CA13: variants seen among roughly 807,000 people sequenced by gnomAD.
CA13 encodes the protein carbonic anhydrase 13, also known as CA-XIII.
A neutral mutation model predicts 31.5 loss-of-function variants in CA13; 21 were observed. The ratio of observed to expected loss-of-function variants is 0.67; its 90% CI spans 0.47 to 0.96. The LOEUF (loss-of-function observed/expected upper bound fraction) is 0.96. CA13 is among the 40% of genes least tolerant of loss of function. The pLI is 0.00. For missense variants in CA13, 315 were observed against 318.9 expected (o/e 0.99, Z 0.09); for synonymous variants, 117 against 111.4 (o/e 1.05, Z -0.32).
In CA13 at chr8:85,245,860, A is replaced by T; in HGVS notation, c.32A>T (p.His11Leu). The T allele has an allele frequency of 1.2e-6, 2 of 1,614,164 alleles. No homozygotes were observed. The highest frequency in any genetic ancestry group is 1.7e-6 in the Non-Finnish European group (2 of 1,180,014). MSRLSWGYRE[H>L]NGPIHWKEFF... ...AGGCTCAGCTGGGGATACCGCGAGC[A>T]CAACGGTGAGCGCCTTTTCCTGATC... The change falls in exon 1 of 7, where the codon CAC becomes CTC. Residue 11 changes from histidine (H) to leucine (L), a missense_variant. His to Leu is a moderately conservative substitution (Grantham distance 99). Coordinates refer to ENST00000321764, the MANE Select transcript of CA13 (RefSeq NM_198584.3).
At chr8:85,256,961 CTCTG>C (rs1321899986) in intron 2 of CA13, among the ~76,000 whole-genome samples, 3 of 152,184 alleles carry the variant, frequency 2.0e-5, no homozygotes, top group East Asian at 1.9e-4. Context: ...CTCTCTCCCT[CTCTG>C]TCTTTGTCTT....
rs1807728796 is a variant in CA13 at position 85,282,867 on chromosome 8, T to A, written c.*1518T>A. On this transcript the variant is annotated 3_prime_UTR_variant, in exon 7 of 7. Coordinates refer to ENST00000321764, the MANE Select transcript of CA13 (RefSeq NM_198584.3). The stretch of plus-strand genomic sequence containing the variant: ...TCTTCTGACATAAGTTTACCTGAGT[T>A]TCCTTGATTTGGAAGATTTGTTTCT... The A allele has an allele frequency of 6.6e-6, 1 of 152,140 alleles. No homozygotes were observed. Among genetic ancestry groups the A allele is most frequent in the Non-Finnish European group, 1.5e-5 (1 of 68,030 alleles). The allele number at this position is 152,140 out of a possible 1,614,324, so 9.4% of individuals were successfully genotyped here.
intron 4 of CA13, among the ~76,000 whole-genome samples, chr8:85,266,916 C>T (rs1315161859): frequency 6.6e-6 from 1 of 152,136 alleles, no homozygotes; most frequent in Non-Finnish European, 1.5e-5. Flanking sequence ...ATGTGAATAA[C>T]AATAGCAGCA....
At chr8:85,272,944 A>G (rs1036504501) in intron 6 of CA13, among the ~76,000 whole-genome samples, 9 of 152,262 alleles carry the variant, frequency 5.9e-5, no homozygotes, top group African/African-American at 2.2e-4. Context: ...CAGCCTCCTG[A>G]GTAGCTGGGA....
At chr8:85,246,382 A>G in intron 1 of CA13, 1 of 456,170 alleles carries the variant, frequency 2.2e-6, no homozygotes, top group South Asian at 1.5e-5. Context: ...AAAATACTGC[A>G]TGTTTCCTAA....
chr8:85,260,285 A>C (rs1325181495), intron 3 of CA13, among the ~76,000 whole-genome samples: 2 of 152,194 alleles, frequency 1.3e-5, no homozygotes, highest in African/African-American at 4.8e-5. Context: ...TAATATGATT[A>C]AATATTACTA....
At chr8:85,257,558 A>C (rs1292088553) in intron 2 of CA13, among the ~76,000 whole-genome samples, 8 of 141,718 alleles carry the variant, frequency 5.6e-5, no homozygotes, top group Admixed American at 4.9e-4. Context: ...CCATCCCTGC[A>C]AAAAAAAAAA....
At position 85,281,541 on chromosome 8, in the gene CA13, C is replaced by T; in HGVS notation, c.*192C>T. ...TTTTTATTTTTTTTAGTGATAGAGT[C>T]TCACTCTGTCACCCAGGCTGGAGGG... On this transcript the variant is annotated 3_prime_UTR_variant, in exon 7 of 7. Transcript: ENST00000321764. 4 of 1,243,418 alleles carry T rather than the reference C, an allele frequency of 3.2e-6. No homozygotes were observed. The highest frequency in any genetic ancestry group is 3.6e-5 in the East Asian group (1 of 27,522). 77.0% of individuals were successfully genotyped at this position (1,243,418 alleles called of 1,614,324 possible).
At chr8:85,245,955 G>A (rs1813719566) in intron 1 of CA13, 90 bp downstream of exon 1, 2 of 1,454,100 alleles carry the variant, frequency 1.4e-6, no homozygotes, top group African/African-American at 2.8e-5. Context: ...CACACACTGG[G>A]CTCGCACATT....
At chr8:85,259,065 C>A (rs1265155947) in intron 2 of CA13, among the ~76,000 whole-genome samples, 4 of 152,198 alleles carry the variant, frequency 2.6e-5, no homozygotes, top group Admixed American at 2.6e-4. Flanking sequence ...CAAACTGGAC[C>A]TGTCTGCATG....
chr8:85,262,825 G>A (rs1317868904), intron 3 of CA13, among the ~76,000 whole-genome samples: 1 of 152,084 alleles, frequency 6.6e-6, no homozygotes, highest in Admixed American at 6.6e-5. Context: ...GGCATTTGTC[G>A]ATTGGTGGGT....
intron 3 of CA13, among the ~76,000 whole-genome samples, chr8:85,265,281 A>G (rs1192353165): frequency 6.6e-6 from 1 of 152,132 alleles, no homozygotes; most frequent in Non-Finnish European, 1.5e-5. Context: ...ACCATTTATG[A>G]TTGTAGCTAA....
In CA13 at chr8:85,250,861, C is replaced by A. The variant is rs757026973; in HGVS notation, c.159C>A (p.Asp53Glu). Residue 53 changes from aspartate to glutamate, a missense_variant, in exon 2 of 7, where the codon GAC becomes GAA. Asp to Glu is a conservative substitution (Grantham distance 45). Transcript: ENST00000321764. ...TCCGACCACTTAGTATCAAGTATGA[C>A]CCAAGCTCAGCTAAAATCATCAGCA... The part of the protein sequence containing the change: ...SSLRPLSIKY[D>E]PSSAKIISNS... The A allele has an allele frequency of 6.2e-7, 1 of 1,613,916 alleles. No individual in the cohort carries two copies. The highest frequency in any genetic ancestry group is 8.5e-7 in the Non-Finnish European group (1 of 1,179,978).
intron 6 of CA13, among the ~76,000 whole-genome samples, chr8:85,271,838 G>A (rs140684316): frequency 3.1e-4 from 47 of 152,212 alleles, no homozygotes; most frequent in African/African-American, 1.1e-3. Flanking sequence ...GGAGGCCAAG[G>A]CGGATGGATC....
chr8:85,261,433 A>AT lies in CA13; in HGVS notation c.354+1904dup, dbSNP rs554558480. 2.3e-3 allele frequency among the ~76,000 whole-genome samples: 351 copies of AT among 149,654 alleles called. 1 individual carries two copies. Among genetic ancestry groups the AT allele is most frequent in the Middle Eastern group, 6.9e-3 (2 of 288 alleles). On this transcript the variant is annotated intron_variant, in intron 3 of 6. Transcript: ENST00000321764. ...GCTTTAAACAAACAGTATTTTATTT[A>AT]TTTTTTTTTTGAGACAGAGTTTTGC...
Position 85,250,733 on chromosome 8 carries a change from A to G in CA13, c.38-7A>G, listed in dbSNP as rs1813811198. On this transcript the variant is annotated splice_polypyrimidine_tract_variant and splice_region_variant and intron_variant, in intron 1 of 6. Transcript: ENST00000321764. Reference sequence around the variant, plus strand: ...TAATCCTTTTCTTTTGGTCCTATATATTTAAGGTCCTATTCACTGGAAGGA... The same window carrying G: ...TAATCCTTTTCTTTTGGTCCTATATGTTTAAGGTCCTATTCACTGGAAGGA... 1 of 1,581,312 alleles carries G rather than the reference A, an allele frequency of 6.3e-7. No homozygotes were observed. Among genetic ancestry groups the G allele is most frequent in the Non-Finnish European group, 8.7e-7 (1 of 1,150,612 alleles).
chr8:85,280,186 A>G (rs182912232), intron 6 of CA13, among the ~76,000 whole-genome samples: 47 of 152,318 alleles, frequency 3.1e-4, no homozygotes, highest in Middle Eastern at 3.4e-3. Context: ...AGGCTGAGGC[A>G]GGAGAATTGC....
chr8:85,267,030 A>G (rs1273615160), intron 4 of CA13, among the ~76,000 whole-genome samples: 4 of 152,356 alleles, frequency 2.6e-5, no homozygotes, highest in African/African-American at 9.6e-5. Flanking sequence ...AATAAAGTTC[A>G]AGCTCCTGAT....
intron 6 of CA13, 29 bp downstream of exon 6, chr8:85,268,656 A>C: frequency 6.9e-7 from 1 of 1,445,982 alleles, no homozygotes; most frequent in African/African-American, 1.5e-5. Flanking sequence ...GTTGATACTG[A>C]TTCCCTCAGA....
Sources: allele counts gnomAD v4.1 joint callset (sites outside exome capture counted in the v4.1 genomes callset), GRCh38; gene constraint gnomAD v4.1.1; transcripts MANE v1.5; gene names NCBI Gene and HGNC (gene_info 2026-07-23, HGNC 2026-07-21).